The following ADAM28 variants were observed in gnomAD, a reference collection of about 807,000 sequenced individuals.
ADAM28 encodes ADAM metallopeptidase domain 28.
Under a neutral mutation model 101.2 loss-of-function variants are expected in ADAM28, and 105 were observed. The ratio of observed to expected loss-of-function variants is 1.04; its 90% CI spans 0.89 to 1.22. The LOEUF (loss-of-function observed/expected upper bound fraction) is 1.22. Among genes scored for constraint, ADAM28 ranks in the 50% most tolerant of loss-of-function variants. The pLI is 0.00. For missense variants in ADAM28, 1,028 were observed against 945.4 expected, an observed-to-expected ratio of 1.09 and a Z score of -1.15; for synonymous variants, 322 against 310.6, an observed-to-expected ratio of 1.04 and a Z score of -0.39.
chr8:24,329,851 G>A, intron 10 of ADAM28, 134 bp from the exon 11 acceptor site: 1 of 788,808 alleles, frequency 1.3e-6, no homozygotes, highest in Non-Finnish European at 2.0e-6. Context: ...CTTGCTCTGT[G>A]TGTGTGTGTG....
intron 18 of ADAM28, among the ~76,000 whole-genome samples, chr8:24,348,732 C>T (rs1815716132): frequency 6.6e-6 from 1 of 151,968 alleles, no homozygotes; most frequent in Admixed American, 6.6e-5. Flanking sequence ...TTTCTATCTT[C>T]ACCTGCAAAC....
At chr8:24,308,890 GGA>G (rs896839035) in intron 2 of ADAM28, 2 of 328,210 alleles carry the variant, frequency 6.1e-6, no homozygotes, top group Non-Finnish European at 1.2e-5. Context: ...AGAAGGGGAG[GGA>G]GAGAAGGAAG....
chr8:24,357,307 C>G lies in ADAM28; in HGVS notation c.*2903C>G, dbSNP rs897482768. On this transcript the variant is annotated 3_prime_UTR_variant, in exon 23 of 23. Transcript: ENST00000265769. Reference sequence around the variant, plus strand: ...GTTATGCAGCAATAGATAGCTGATACAAGGAAGTAGAGAACAAACATTTTC... The same window carrying G: ...GTTATGCAGCAATAGATAGCTGATAGAAGGAAGTAGAGAACAAACATTTTC... 1 of 152,110 alleles carries G rather than the reference C, an allele frequency of 6.6e-6. No individual in the cohort carries two copies. Among genetic ancestry groups the G allele is most frequent in the Non-Finnish European group, 1.5e-5 (1 of 68,030 alleles). 9.4% of individuals were successfully genotyped at this position (152,110 alleles called of 1,614,324 possible).
rs548926751 is a variant in ADAM28 at position 24,348,373 on chromosome 8, G to A, written c.1991-1491G>A. 3.7e-3 allele frequency among the ~76,000 whole-genome samples: 560 copies of A among 152,148 alleles called. 2 individuals are homozygous for A. The highest frequency in any genetic ancestry group is 6.2e-3 in the Non-Finnish European group (422 of 67,998). ...CATCCCCCATTCTCGTGGAGTATTC[G>A]TTGATGGTAACAAATACTCCATAAA... is the stretch of plus-strand genomic sequence containing the variant. On this transcript the variant is annotated intron_variant, in intron 18 of 22. Coordinates refer to ENST00000265769, the MANE Select transcript of ADAM28 (RefSeq NM_014265.6).
chr8:24,358,316 G>A lies in ADAM28; in HGVS notation c.*3912G>A, dbSNP rs1033899840. 5.9e-5 allele frequency: 9 copies of A among 152,104 alleles called. No homozygotes were observed. The highest frequency in any genetic ancestry group is 2.2e-4 in the African/African-American group (9 of 41,384). 9.4% of individuals were successfully genotyped at this position (152,104 alleles called of 1,614,324 possible). On this transcript the variant is annotated 3_prime_UTR_variant, in exon 23 of 23. Coordinates refer to ENST00000265769, the MANE Select transcript of ADAM28 (RefSeq NM_014265.6). ...CAGCTTTAATATTGTTTCATCATAT[G>A]TCATTGTTCAAAGAATCCATCTCTT... is the stretch of plus-strand genomic sequence containing the variant.
intron 2 of ADAM28, among the ~76,000 whole-genome samples, chr8:24,303,010 A>G (rs115659329): frequency 0.036 from 5,086 of 142,758 alleles, 104 homozygotes; most frequent in East Asian, 0.1. Context: ...TTTTTCTTAT[A>G]AATTTAAGTT....
chr8:24,334,153 T>C (rs892346042), intron 13 of ADAM28, among the ~76,000 whole-genome samples: 5 of 152,178 alleles, frequency 3.3e-5, no homozygotes, highest in African/African-American at 1.2e-4. Flanking sequence ...TTCTTACTAT[T>C]TAGAGCAATG....
intron 6 of ADAM28, among the ~76,000 whole-genome samples, chr8:24,314,413 A>G (rs758755444): frequency 2.6e-5 from 4 of 152,182 alleles, no homozygotes; most frequent in Non-Finnish European, 4.4e-5. Context: ...ATAAATGAAT[A>G]TAGTTTTGTG....
At position 24,352,035 on chromosome 8, in the gene ADAM28, G is replaced by A. The variant is rs1362056502; in HGVS notation, c.2227G>A (p.Glu743Lys). 3 of 1,613,724 alleles carry A rather than the reference G, an allele frequency of 1.9e-6. No individual in the cohort carries two copies. The highest frequency in any genetic ancestry group is 1.3e-5 in the African/African-American group (1 of 75,014). The change falls in exon 21 of 23, where the codon GAG (glutamate) becomes AAG (lysine). Residue 743 changes from glutamate (E) to lysine (K), a missense_variant. Physicochemically the swap from Glu to Lys is moderately conservative, Grantham distance 56. Coordinates refer to ENST00000265769, the MANE Select transcript of ADAM28 (RefSeq NM_014265.6). Reference protein sequence around the residue: ...HVYDLPVEGNEPPASFHKDTN... With the variant: ...HVYDLPVEGNKPPASFHKDTN... ...GTATGATCTGCCAGTAGAAGGCAAT[G>A]AGCCCCCAGCCTCTTTTGTGAGTTA... is the stretch of plus-strand genomic sequence containing the variant.
rs145612420 is a variant in ADAM28 at position 24,330,073 on chromosome 8, G to A, written c.1061G>A (p.Cys354Tyr). The change falls in exon 11 of 23, where the codon TGC becomes TAC. Residue 354 changes from cysteine (C) to tyrosine (Y), a missense_variant. Physicochemically the swap from Cys to Tyr is radical, Grantham distance 194 (BLOSUM62 -2). Transcript: ENST00000265769. Reference sequence around the variant, plus strand: ...GGAATGTTTCATGACGACTATTCTTGCAAGTGTCCTTCTACAATATGTGTG... The same window carrying A: ...GGAATGTTTCATGACGACTATTCTTACAAGTGTCCTTCTACAATATGTGTG... ...NFGMFHDDYS[C>Y]KCPSTICVMD... is the part of the protein sequence containing the mutation. 2.8e-4 allele frequency: 449 copies of A among 1,613,654 alleles called. No homozygotes were observed. The highest frequency in any genetic ancestry group is 6.2e-4 in the Admixed American group (37 of 59,936).
At chr8:24,327,233 A>G (rs898749896) in intron 10 of ADAM28, among the ~76,000 whole-genome samples, 2 of 152,142 alleles carry the variant, frequency 1.3e-5, no homozygotes, top group Admixed American at 6.5e-5. Flanking sequence ...AATCACAAGC[A>G]TTCGTATACA....
At chr8:24,344,724 CTT>C (rs148393896) in intron 18 of ADAM28, among the ~76,000 whole-genome samples, 11,596 of 152,018 alleles carry the variant, frequency 0.076, 800 homozygotes, top group African/African-American at 0.18. Flanking sequence ...TTAGAAAACT[CTT>C]TAATGGTTTC....
At position 24,332,731 on chromosome 8, in the gene ADAM28, A is replaced by T; in HGVS notation, c.1353A>T (p.Glu451Asp). Residue 451 changes from glutamate to aspartate, a missense_variant, in exon 13 of 23, where the codon GAA becomes GAT. Glu to Asp is a conservative substitution (Grantham distance 45). Coordinates refer to ENST00000265769, the MANE Select transcript of ADAM28 (RefSeq NM_014265.6). The stretch of plus-strand genomic sequence containing the variant: ...CAACTTTTCAATGTGCATTAGGAGA[A>T]TGTTGTGAAAAATGCCAAGTAAGAT... ...IKATFQCALG[E>D]CCEKCQFKKA... The T allele has an allele frequency of 6.8e-7, 1 of 1,470,216 alleles. No homozygotes were observed. The allele number at this position is 1,470,216 out of a possible 1,614,324, so 91.1% of individuals were successfully genotyped here.
intron 4 of ADAM28, 33 bp from the exon 5 acceptor site, chr8:24,311,328 G>A (rs774944895): frequency 1.9e-6 from 3 of 1,569,236 alleles, no homozygotes; most frequent in Non-Finnish European, 2.6e-6. Flanking sequence ...AAATTCACAT[G>A]TACTTCTCTT....
chr8:24,310,066 T>C, intron 3 of ADAM28, 96 bp downstream of exon 3: 1 of 1,502,972 alleles, frequency 6.7e-7, no homozygotes. Context: ...CACACAAACC[T>C]GGACTAATCA....
chr8:24,353,899 ACCATGTC>A, intron 22 of ADAM28, 67 bp downstream of exon 22: 1 of 1,155,654 alleles, frequency 8.7e-7, no homozygotes, highest in Non-Finnish European at 1.2e-6. Flanking sequence ...GAGAAGGCCC[ACCATGTC>A]TTTTTAGAAA....
rs1816600183 is a variant in ADAM28, at chr8:24,355,231, C to G, written c.*827C>G. 1 of 152,270 alleles carries G rather than the reference C, an allele frequency of 6.6e-6. No homozygotes were observed. The highest frequency in any genetic ancestry group is 1.5e-5 in the Non-Finnish European group (1 of 67,982). The allele number at this position is 152,270 out of a possible 1,614,324, so 9.4% of individuals were successfully genotyped here. On this transcript the variant is annotated 3_prime_UTR_variant, in exon 23 of 23. Coordinates refer to ENST00000265769, the MANE Select transcript of ADAM28 (RefSeq NM_014265.6). ...TTGTCAGATGTAATCTAAAAGTAAT[C>G]CGATGCTTTGTCAACAACAGACTTA...
chr8:24,303,326 G>GTTGT (rs1809092298), intron 2 of ADAM28, among the ~76,000 whole-genome samples: 1 of 151,966 alleles, frequency 6.6e-6, no homozygotes, highest in African/African-American at 2.4e-5. Flanking sequence ...GTATAAGGTG[G>GTTGT]AACAAAGGGG....
intron 10 of ADAM28, among the ~76,000 whole-genome samples, chr8:24,329,345 T>A (rs1024875698): frequency 3.3e-5 from 5 of 152,154 alleles, no homozygotes; most frequent in African/African-American, 1.2e-4. Flanking sequence ...TCTTATCTCC[T>A]CAATAGGACA....
Sources: gnomAD v4.1 joint callset for allele counts (sites outside exome capture counted in the v4.1 genomes callset) on GRCh38, gnomAD v4.1.1 for gene constraint, MANE v1.5 for transcripts, NCBI Gene and HGNC (gene_info 2026-07-23, HGNC 2026-07-21) for gene names.